The following REEP3 variants were observed in gnomAD, a reference collection of about 807,000 sequenced individuals.
REEP3 encodes the protein receptor expression-enhancing protein 3.
Under a neutral mutation model 41.3 loss-of-function variants are expected in REEP3, and 20 were observed. The observed-to-expected ratio is 0.48, with a 90% confidence interval of 0.34 to 0.70. The LOEUF (loss-of-function observed/expected upper bound fraction) is 0.70, where lower values mean the gene tolerates loss of function less well. Among genes scored for constraint, REEP3 ranks in the 30% least tolerant of loss-of-function variants. The pLI is 0.01. For synonymous variants in REEP3, 104 were observed against 101.8 expected (o/e 1.02, Z -0.13); for missense variants, 271 against 308.8 (o/e 0.88, Z 0.92).
intron 2 of REEP3, among the ~76,000 whole-genome samples, chr10:63,579,325 C>T (rs551019619): frequency 4.6e-5 from 7 of 152,224 alleles, no homozygotes; most frequent in East Asian, 1.9e-4. Context: ...GCCACCACAC[C>T]GGGCCCTTCA....
At chr10:63,570,493 T>G (rs1955842760) in intron 2 of REEP3, among the ~76,000 whole-genome samples, 1 of 152,182 alleles carries the variant, frequency 6.6e-6, no homozygotes, top group Admixed American at 6.5e-5. Context: ...TGCAGGTTTG[T>G]TAGGTAAATT....
At chr10:63,605,035 T>C (rs2133421758) in intron 5 of REEP3, among the ~76,000 whole-genome samples, 1 of 152,294 alleles carries the variant, frequency 6.6e-6, no homozygotes, top group Admixed American at 6.5e-5. Flanking sequence ...TCAGGGATGC[T>C]GCTTAATATT....
intron 1 of REEP3, among the ~76,000 whole-genome samples, chr10:63,550,418 T>C (rs1955617745): frequency 6.6e-6 from 1 of 152,202 alleles, no homozygotes; most frequent in Admixed American, 6.5e-5. Context: ...TGGCTTACTA[T>C]GGGATTATAT....
chr10:63,605,840 TG>T (rs1293925117), intron 5 of REEP3, among the ~76,000 whole-genome samples: 1 of 152,096 alleles, frequency 6.6e-6, no homozygotes, highest in Non-Finnish European at 1.5e-5. Context: ...GCTTCTCAGC[TG>T]AAGAATCCCT....
chr10:63,608,365 T>C (rs573986275), intron 5 of REEP3, among the ~76,000 whole-genome samples: 1 of 152,338 alleles, frequency 6.6e-6, no homozygotes, highest in South Asian at 2.1e-4. Context: ...AAGTGGGATA[T>C]GGAAATGGCA....
In REEP3 at chr10:63,622,879, G is replaced by A. The variant is rs1351602833; in HGVS notation, c.*2010G>A. On this transcript the variant is annotated 3_prime_UTR_variant, in exon 8 of 8. Coordinates refer to ENST00000373758, the MANE Select transcript of REEP3 (RefSeq NM_001001330.3). The stretch of plus-strand genomic sequence containing the variant: ...GTGCTACCACGCCCAGCTAATTTTT[G>A]TCTTTTTAGTAGAGACAGGGTTTAA... 2 of 151,490 alleles carry A rather than the reference G, an allele frequency of 1.3e-5. No homozygotes were observed. The highest frequency in any genetic ancestry group is 3.9e-4 in the East Asian group (2 of 5,176). 9.4% of individuals were successfully genotyped at this position (151,490 alleles called of 1,614,324 possible).
intron 2 of REEP3, among the ~76,000 whole-genome samples, chr10:63,569,801 G>A (rs894065915): frequency 2.0e-5 from 3 of 151,980 alleles, no homozygotes; most frequent in African/African-American, 7.2e-5. Flanking sequence ...AATTAGCCGG[G>A]TATGGTGGCA....
intron 2 of REEP3, among the ~76,000 whole-genome samples, chr10:63,571,048 G>A (rs1369611009): frequency 2.0e-5 from 3 of 152,186 alleles, no homozygotes; most frequent in African/African-American, 4.8e-5. Context: ...CTGGGAGGTC[G>A]AGGCTGCAGT....
At chr10:63,528,360 C>T (rs893230239) in intron 1 of REEP3, among the ~76,000 whole-genome samples, 2 of 152,128 alleles carry the variant, frequency 1.3e-5, no homozygotes, top group Admixed American at 6.5e-5. Flanking sequence ...TCCTTGATTC[C>T]TCTCTTTCTC....
chr10:63,532,622 C>A (rs1043912984), intron 1 of REEP3, among the ~76,000 whole-genome samples: 1 of 151,076 alleles, frequency 6.6e-6, no homozygotes, highest in Non-Finnish European at 1.5e-5. Context: ...CGCCACTGCA[C>A]TCCAGCCTGG....
At chr10:63,543,220 T>G (rs1361331170) in intron 1 of REEP3, among the ~76,000 whole-genome samples, 1 of 152,236 alleles carries the variant, frequency 6.6e-6, no homozygotes, top group African/African-American at 2.4e-5. Flanking sequence ...TCTGTTCACA[T>G]GAAAATTCTG....
intron 1 of REEP3, among the ~76,000 whole-genome samples, chr10:63,555,434 A>G (rs1404407682): frequency 6.6e-6 from 1 of 152,232 alleles, no homozygotes; most frequent in Non-Finnish European, 1.5e-5. Context: ...TTATTTTGGC[A>G]GTGATCATGC....
intron 2 of REEP3, 53 bp downstream of exon 2, chr10:63,566,463 C>A: frequency 1.0e-6 from 1 of 978,966 alleles, no homozygotes; most frequent in African/African-American, 1.6e-5. Flanking sequence ...TAATGATACA[C>A]ACTGAAAAAC....
chr10:63,620,257 A>G (rs1956343662), intron 7 of REEP3, among the ~76,000 whole-genome samples: 1 of 152,172 alleles, frequency 6.6e-6, no homozygotes, highest in African/African-American at 2.4e-5. Flanking sequence ...AAAATTCTTT[A>G]TTCAGATCAA....
intron 2 of REEP3, among the ~76,000 whole-genome samples, chr10:63,583,734 C>T (rs1955977371): frequency 6.6e-6 from 1 of 152,098 alleles, no homozygotes; most frequent in African/African-American, 2.4e-5. Flanking sequence ...TGCTAAAATC[C>T]CGAGAAATTC....
intron 3 of REEP3, among the ~76,000 whole-genome samples, chr10:63,595,218 A>G (rs1176322467): frequency 6.6e-6 from 1 of 151,812 alleles, no homozygotes; most frequent in Non-Finnish European, 1.5e-5. Context: ...TGGTTTTAGC[A>G]CCCCTCCCTA....
At chr10:63,616,736 C>G (rs72838801) in intron 6 of REEP3, among the ~76,000 whole-genome samples, 27,547 of 151,938 alleles carry the variant, frequency 0.18, 3,152 homozygotes, top group Non-Finnish European at 0.26. Flanking sequence ...TGACTTTTTC[C>G]TTGATTCCTC....
Position 63,521,461 on chromosome 10 carries a change from G to A in REEP3, c.-85G>A. On this transcript the variant is annotated 5_prime_UTR_variant, in exon 1 of 8. Coordinates refer to ENST00000373758, the MANE Select transcript of REEP3 (RefSeq NM_001001330.3). ...GCCCCGGGGAGCGCGAGGAGCCGGCGAAGCGCGCGGCCTGCCGTTGGCGGC... is the reference window on the plus strand; with the variant it reads ...GCCCCGGGGAGCGCGAGGAGCCGGCAAAGCGCGCGGCCTGCCGTTGGCGGC... 1.1e-6 allele frequency: 1 copy of A among 907,632 alleles called. No homozygotes were observed. Among genetic ancestry groups the A allele is most frequent in the Non-Finnish European group, 1.4e-6 (1 of 693,990 alleles). 56.2% of individuals were successfully genotyped at this position (907,632 alleles called of 1,614,324 possible). A position where few individuals can be genotyped will look rare whatever the true frequency, so the allele number is the denominator to read the frequency against.
intron 1 of REEP3, among the ~76,000 whole-genome samples, chr10:63,547,647 G>A (rs1955591641): frequency 6.6e-6 from 1 of 152,150 alleles, no homozygotes; most frequent in African/African-American, 2.4e-5. Flanking sequence ...GGATTGCATA[G>A]GAATCAAGAT....
Sources: gnomAD v4.1 joint callset for allele counts (sites outside exome capture counted in the v4.1 genomes callset) on GRCh38, gnomAD v4.1.1 for gene constraint, MANE v1.5 for transcripts, NCBI Gene and HGNC (gene_info 2026-07-23, HGNC 2026-07-21) for gene names.